The following NFX1 variants were observed in gnomAD, a reference collection of about 807,000 sequenced individuals.
The protein encoded by NFX1 is nuclear transcription factor, X-box binding 1.
NFX1 carries 69 observed loss-of-function variants against 137.2 expected under a neutral mutation model. The ratio of observed to expected loss-of-function variants is 0.50; its 90% CI spans 0.41 to 0.61. The LOEUF is 0.61. NFX1 is among the 20% of genes least tolerant of loss of function. NFX1 has a pLI of 0.00. For synonymous variants in NFX1, 495 were observed against 474.1 expected (o/e 1.04, Z -0.57); for missense variants, 1,167 against 1,391.0 (o/e 0.84, Z 2.56).
At chr9:33,319,911 G>C (rs1190927986) in intron 9 of NFX1, among the ~76,000 whole-genome samples, 1 of 151,882 alleles carries the variant, frequency 6.6e-6, no homozygotes, top group African/African-American at 2.4e-5. Flanking sequence ...AGGATACGAG[G>C]ATAGCACCTA....
At chr9:33,311,802 C>T (rs960367202) in intron 6 of NFX1, among the ~76,000 whole-genome samples, 5 of 152,144 alleles carry the variant, frequency 3.3e-5, no homozygotes, top group South Asian at 2.1e-4. Context: ...CCACCCGCCT[C>T]GGCCTCCCAA....
chr9:33,299,612 C>T (rs1464896277), intron 2 of NFX1, among the ~76,000 whole-genome samples: 1 of 152,086 alleles, frequency 6.6e-6, no homozygotes, highest in African/African-American at 2.4e-5. Flanking sequence ...CGCTTGGGCC[C>T]AGGAGTTTGA....
chr9:33,357,214 A>G (rs1361979636), intron 19 of NFX1, among the ~76,000 whole-genome samples: 1 of 152,082 alleles, frequency 6.6e-6, no homozygotes, highest in African/African-American at 2.4e-5. Context: ...AGGCAGGAGA[A>G]TGGCATGAAC....
chr9:33,352,687 G>T lies in NFX1; in HGVS notation c.2697G>T (p.Val899=). The part of the protein sequence containing the change: ...QCECGRRKEM[V]ICSEASSTYQ... ...AATGTGGACGAAGAAAAGAGATGGT[G>T]ATTTGCTCTGAAGCATCTAGTACTT... Residue 899 remains valine (V), a synonymous_variant, in exon 17 of 24, where the codon GTG becomes GTT. Transcript: ENST00000379540. The T allele has an allele frequency of 1.2e-6, 2 of 1,614,200 alleles. No individual in the cohort carries two copies. Among genetic ancestry groups the T allele is most frequent in the South Asian group, 1.1e-5 (1 of 91,080 alleles).
At chr9:33,305,562 T>G (rs531208311) in intron 4 of NFX1, among the ~76,000 whole-genome samples, 1 of 152,300 alleles carries the variant, frequency 6.6e-6, no homozygotes, top group African/African-American at 2.4e-5. Context: ...TTATGGAGAT[T>G]AGTTTGGTAG....
At chr9:33,356,157 T>A (rs1330733096) in intron 19 of NFX1, among the ~76,000 whole-genome samples, 3 of 152,248 alleles carry the variant, frequency 2.0e-5, no homozygotes, top group Admixed American at 2.0e-4. Flanking sequence ...TGTCACTTTT[T>A]AATTTTAGCC....
intron 14 of NFX1, among the ~76,000 whole-genome samples, chr9:33,346,398 A>G (rs1039949435): frequency 5.9e-5 from 9 of 152,230 alleles, no homozygotes; most frequent in African/African-American, 2.2e-4. Flanking sequence ...GGAAGAGAAA[A>G]ATACCCTGTG....
chr9:33,294,480 G>GGAC lies in NFX1; in HGVS notation c.86_87insGAC (p.Gly29_Leu30insThr). ...ATTCCTCAGGAGAAAAAAAATTCTGGTCTAAATTGTGGGACTCAAAGGAGA... is the reference window on the plus strand; with the variant it reads ...ATTCCTCAGGAGAAAAAAAATTCTGGGACTCTAAATTGTGGGACTCAAAGGAGA... On this transcript the variant is annotated inframe_insertion, in exon 2 of 24. Transcript: ENST00000379540. 1 of 1,609,298 alleles carries GGAC rather than the reference G, an allele frequency of 6.2e-7. No individual in the cohort carries two copies. Among genetic ancestry groups the GGAC allele is most frequent in the Non-Finnish European group, 8.5e-7 (1 of 1,178,524 alleles).
chr9:33,301,491 C>A, intron 3 of NFX1, 70 bp downstream of exon 3: 1 of 1,482,688 alleles, frequency 6.7e-7, no homozygotes, highest in Non-Finnish European at 9.1e-7. Context: ...TTAAGCCCAG[C>A]TTTAAAAATA....
intron 11 of NFX1, 57 bp from the exon 12 acceptor site, chr9:33,338,453 T>C: frequency 7.1e-7 from 1 of 1,404,366 alleles, no homozygotes; most frequent in Non-Finnish European, 1.0e-6. Context: ...ATATTTGTTG[T>C]ATGAATGTTC....
rs1444385955 is a variant in NFX1 at position 33,370,149 on chromosome 9, G to A, written c.*171G>A. On this transcript the variant is annotated 3_prime_UTR_variant, in exon 24 of 24. Coordinates refer to ENST00000379540, the MANE Select transcript of NFX1 (RefSeq NM_002504.6). ...TGTCAGAAATCCCTTGTCTATTCCT[G>A]TCTGTATAAAGTGTTTCATTATGAC... The A allele has an allele frequency of 3.5e-6, 2 of 578,556 alleles. No homozygotes were observed. The highest frequency in any genetic ancestry group is 6.1e-6 in the Non-Finnish European group (2 of 330,100). 35.8% of individuals were successfully genotyped at this position (578,556 alleles called of 1,614,324 possible). A position where few individuals can be genotyped will look rare whatever the true frequency, so the allele number is the denominator to read the frequency against.
At chr9:33,365,057 T>C in intron 21 of NFX1, 1 of 1,076,302 alleles carries the variant, frequency 9.3e-7, no homozygotes, top group Non-Finnish European at 1.2e-6. Context: ...GCAGATCACT[T>C]GAGGTCAGGA....
chr9:33,304,887 T>C (rs1159695464), intron 4 of NFX1, among the ~76,000 whole-genome samples: 2 of 152,184 alleles, frequency 1.3e-5, no homozygotes, highest in Non-Finnish European at 2.9e-5. Context: ...TTACATAAAG[T>C]ACCACAATGG....
chr9:33,334,001 C>T (rs1475605561), intron 11 of NFX1, among the ~76,000 whole-genome samples: 1 of 152,082 alleles, frequency 6.6e-6, no homozygotes, highest in African/African-American at 2.4e-5. Flanking sequence ...AAAAATTAGC[C>T]AAGTACAGTG....
chr9:33,323,436 CTG>C (rs1822458836), intron 9 of NFX1, among the ~76,000 whole-genome samples: 1 of 152,134 alleles, frequency 6.6e-6, no homozygotes. Flanking sequence ...TTCACAAAGA[CTG>C]TAGGATAATC....
chr9:33,301,143 C>G, intron 2 of NFX1, 120 bp from the exon 3 acceptor site: 2 of 935,536 alleles, frequency 2.1e-6, no homozygotes, highest in Non-Finnish European at 3.2e-6. Context: ...TCAGATATCC[C>G]TTAAAATCTC....
At chr9:33,307,121 CT>C in intron 4 of NFX1, 72 bp from the exon 5 acceptor site, 1 of 1,203,256 alleles carries the variant, frequency 8.3e-7, no homozygotes, top group South Asian at 1.3e-5. Context: ...CCTAGCTATA[CT>C]TTACTGTTTC....
At chr9:33,348,773 A>G in intron 15 of NFX1, 1 of 985,184 alleles carries the variant, frequency 1.0e-6, no homozygotes, top group Non-Finnish European at 1.2e-6. Flanking sequence ...TGCTACTGAG[A>G]AAGAAATACT....
chr9:33,308,146 A>G (rs776675734), intron 5 of NFX1, among the ~76,000 whole-genome samples: 11 of 152,182 alleles, frequency 7.2e-5, no homozygotes, highest in Non-Finnish European at 1.5e-4. Context: ...AGCCAGCTGT[A>G]GATTATATCC....
Sources: gnomAD v4.1 joint callset for allele counts (sites outside exome capture counted in the v4.1 genomes callset) on GRCh38, gnomAD v4.1.1 for gene constraint, MANE v1.5 for transcripts, NCBI Gene and HGNC (gene_info 2026-07-23, HGNC 2026-07-21) for gene names.